Variants in ARFGEF1 observed in about 807,000 individuals in gnomAD.
The protein encoded by ARFGEF1 is ARF guanine nucleotide exchange factor 1, also known as brefeldin A-inhibited guanine nucleotide-exchange protein 1.
Under a neutral mutation model 231.0 loss-of-function variants are expected in ARFGEF1, and 42 were observed. The ratio of observed to expected loss-of-function variants is 0.18; its 90% CI spans 0.14 to 0.24. The LOEUF is 0.24. Ranked by LOEUF, ARFGEF1 falls within the 10% of genes least tolerant of loss-of-function variation. The pLI is 1.00. For missense variants in ARFGEF1, 1,345 were observed against 2,192.0 expected (o/e 0.61, Z 7.72); for synonymous variants, 710 against 732.3 (o/e 0.97, Z 0.49).
chr8:67,314,985 C>T (rs1043013373), intron 1 of ARFGEF1, among the ~76,000 whole-genome samples: 1 of 152,148 alleles, frequency 6.6e-6, no homozygotes. Flanking sequence ...CACCACTGCA[C>T]TCCAACCTAG....
chr8:67,224,465 T>C (rs573507956), intron 29 of ARFGEF1, among the ~76,000 whole-genome samples: 2 of 152,208 alleles, frequency 1.3e-5, no homozygotes, highest in South Asian at 4.1e-4. Flanking sequence ...AGCTCTATAT[T>C]ATTCCAAACT....
chr8:67,334,820 G>A (rs1020540997), intron 1 of ARFGEF1, among the ~76,000 whole-genome samples: 34 of 152,132 alleles, frequency 2.2e-4, no homozygotes, highest in Non-Finnish European at 8.8e-5. Flanking sequence ...GTGTATAACT[G>A]CATTTCATGA....
chr8:67,290,474 G>T (rs1210444806), intron 6 of ARFGEF1, among the ~76,000 whole-genome samples: 1 of 152,120 alleles, frequency 6.6e-6, no homozygotes. Context: ...GAATTACTTT[G>T]TGCATGGCAT....
At chr8:67,186,716 A>C (rs2129574177) in intron 5 of ARFGEF1, among the ~76,000 whole-genome samples, 1 of 152,344 alleles carries the variant, frequency 6.6e-6, no homozygotes, top group South Asian at 2.1e-4. Context: ...TGTGATTGGA[A>C]AGGGAGAAAT....
rs1333686460 is a variant in ARFGEF1, at chr8:67,266,958, T to C, written c.1839A>G (p.Leu613=). The C allele has an allele frequency of 1.9e-6, 3 of 1,613,590 alleles. No individual in the cohort carries two copies. The highest frequency in any genetic ancestry group is 4.5e-5 in the East Asian group (2 of 44,774). ...ACTTCAAAATCGACACTAAGCATTC[T>C]AAACCTTTTTTCCTCAGGCTCAATT... ...VQELSLRKKG[L]ECLVSILKCM... is the part of the protein sequence containing the mutation. Residue 613 remains leucine, a synonymous_variant, in exon 13 of 39, where the codon TTA becomes TTG. Coordinates refer to ENST00000262215, the MANE Select transcript of ARFGEF1 (RefSeq NM_006421.5).
intron 15 of ARFGEF1, 39 bp from the exon 16 acceptor site, chr8:67,258,329 C>CTT (rs113171041): frequency 1.5e-3 from 1,733 of 1,120,078 alleles, no homozygotes; most frequent in Non-Finnish European, 1.8e-3. Flanking sequence ...TATTTTCTTT[C>CTT]TTTTTTTTTT....
chr8:67,202,995 G>A (rs1193512022), intron 36 of ARFGEF1, 88 bp downstream of exon 36: 22 of 1,359,960 alleles, frequency 1.6e-5, no homozygotes, highest in Admixed American at 2.2e-5. Context: ...CAGACCTATA[G>A]CAGACAGTCA....
At chr8:67,286,838 C>A (rs930620496) in intron 7 of ARFGEF1, among the ~76,000 whole-genome samples, 6 of 152,194 alleles carry the variant, frequency 3.9e-5, no homozygotes, top group African/African-American at 1.4e-4. Flanking sequence ...CTTGGCAACT[C>A]TTGAGCCAGA....
intron 1 of ARFGEF1, among the ~76,000 whole-genome samples, chr8:67,334,285 A>C (rs1265150010): frequency 1.6e-5 from 1 of 63,412 alleles, no homozygotes; most frequent in Admixed American, 1.5e-4. Context: ...TCCAAAGTCC[A>C]AAAAAAAAAA....
intron 5 of ARFGEF1, among the ~76,000 whole-genome samples, chr8:67,191,325 G>A (rs1034524530): frequency 1.3e-5 from 2 of 152,192 alleles, no homozygotes; most frequent in African/African-American, 2.4e-5. Flanking sequence ...TATATATGAC[G>A]TGAAGATGCA....
At chr8:67,224,835 T>C in intron 29 of ARFGEF1, 68 bp downstream of exon 29, 5 of 1,160,410 alleles carry the variant, frequency 4.3e-6, no homozygotes, top group African/African-American at 1.6e-5. Context: ...ATTGTGTTTA[T>C]AAAGAAGAGT....
At chr8:67,195,910 A>G, downstream of ARFGEF1, 1 of 228,724 alleles carries the variant, frequency 4.4e-6, no homozygotes, top group Admixed American at 5.2e-5. Context: ...TAAGTGTCTT[A>G]AACGTCCTGT....
chr8:67,332,902 A>G (rs1256383744), intron 1 of ARFGEF1, among the ~76,000 whole-genome samples: 1 of 152,186 alleles, frequency 6.6e-6, no homozygotes, highest in Non-Finnish European at 1.5e-5. Context: ...ACAGAACCTA[A>G]GCATATAGGG....
Position 67,198,394 on chromosome 8 carries a change from G to A in ARFGEF1, c.*540C>T, listed in dbSNP as rs981448365. 1 of 985,532 alleles carries A rather than the reference G, an allele frequency of 1.0e-6. No homozygotes were observed. Among genetic ancestry groups the A allele is most frequent in the African/African-American group, 1.7e-5 (1 of 57,348 alleles). 61.0% of individuals were successfully genotyped at this position (985,532 alleles called of 1,614,324 possible). On this transcript the variant is annotated 3_prime_UTR_variant, in exon 39 of 39. Transcript: ENST00000262215. Reference sequence around the variant, plus strand: ...TTTAAGATTTTTATATTACAGACCTGCATCTCTGTACATTTTTCACAGGAT... The same window carrying A: ...TTTAAGATTTTTATATTACAGACCTACATCTCTGTACATTTTTCACAGGAT...
chr8:67,315,040 T>C (rs1392157350), intron 1 of ARFGEF1, among the ~76,000 whole-genome samples: 1 of 151,758 alleles, frequency 6.6e-6, no homozygotes, highest in Admixed American at 6.6e-5. Flanking sequence ...AAAACACACA[T>C]ACCCACACAC....
chr8:67,192,818 C>T (rs115759838), downstream of ARFGEF1, among the ~76,000 whole-genome samples: 407 of 152,278 alleles, frequency 2.7e-3, 2 homozygotes, highest in African/African-American at 9.5e-3. Flanking sequence ...GGATTTATTT[C>T]TATATTCTTC....
intron 5 of ARFGEF1, among the ~76,000 whole-genome samples, chr8:67,293,826 G>A (rs1372801862): frequency 6.6e-6 from 1 of 152,124 alleles, no homozygotes; most frequent in Non-Finnish European, 1.5e-5. Context: ...TGGAAAGAAG[G>A]GAAGAAGAGG....
chr8:67,209,719 T>C (rs1439472878), intron 34 of ARFGEF1, among the ~76,000 whole-genome samples: 1 of 152,146 alleles, frequency 6.6e-6, no homozygotes, highest in Non-Finnish European at 1.5e-5. Flanking sequence ...TTCCTCTTTT[T>C]TGTGAAAAGG....
intron 1 of ARFGEF1, among the ~76,000 whole-genome samples, chr8:67,322,474 G>T (rs1029457767): frequency 3.3e-5 from 5 of 152,148 alleles, no homozygotes; most frequent in Admixed American, 1.3e-4. Flanking sequence ...AGTGGGGATG[G>T]TTGTTTGAGG....
Sources: gnomAD v4.1 joint callset for allele counts (sites outside exome capture counted in the v4.1 genomes callset) on GRCh38, gnomAD v4.1.1 for gene constraint, MANE v1.5 for transcripts, NCBI Gene and HGNC (gene_info 2026-07-23, HGNC 2026-07-21) for gene names.